Variants in CACNA2D4 observed in about 807,000 individuals in gnomAD.
CACNA2D4 encodes the protein voltage-dependent calcium channel subunit alpha-2/delta-4.
CACNA2D4 carries 157 observed loss-of-function variants against 163.8 expected under a neutral mutation model. The observed-to-expected ratio is 0.96, with a 90% CI of 0.84 to 1.09. The LOEUF (loss-of-function observed/expected upper bound fraction) is 1.09, where lower values mean the gene tolerates loss of function less well. Among genes scored for constraint, CACNA2D4 ranks in the 50% least tolerant of loss-of-function variants. The pLI is 0.00. For synonymous variants in CACNA2D4, 598 were observed against 586.9 expected, an observed-to-expected ratio of 1.02 and a Z score of -0.27; for missense variants, 1,410 against 1,479.9, an observed-to-expected ratio of 0.95 and a Z score of 0.78.
chr12:1,836,949 C>T (rs926621051), intron 26 of CACNA2D4, among the ~76,000 whole-genome samples: 10 of 152,210 alleles, frequency 6.6e-5, no homozygotes, highest in African/African-American at 2.4e-4. Flanking sequence ...AGTCCTGGAT[C>T]AGAGCCAGGC....
Position 1,884,915 on chromosome 12 carries a change from GC to G in CACNA2D4, c.1159-35del, listed in dbSNP as rs1169597929. The G allele has an allele frequency of 2.5e-6, 4 of 1,603,596 alleles. No individual in the cohort carries two copies. The African/African-American group carries it at 5.4e-5, about 22-fold the overall frequency. On this transcript the variant is annotated intron_variant, in intron 10 of 37. Coordinates refer to ENST00000382722, the MANE Select transcript of CACNA2D4 (RefSeq NM_172364.5). ...GGAAGAGGAGTGCCCATGACCACAGGCCAAGCCCACCCCCCTCCACCTGCCG... is the reference window on the plus strand; with the variant it reads ...GGAAGAGGAGTGCCCATGACCACAGGCAAGCCCACCCCCCTCCACCTGCCG...
rs1463407628 is a variant in CACNA2D4 at position 1,918,517 on chromosome 12, CT to C, written c.-45del. The C allele has an allele frequency of 2.0e-6, 3 of 1,492,264 alleles. No individual in the cohort carries two copies. The highest frequency in any genetic ancestry group is 2.7e-6 in the Non-Finnish European group (3 of 1,101,042). The allele number at this position is 1,492,264 out of a possible 1,614,324, so 92.4% of individuals were successfully genotyped here. A position where few individuals can be genotyped will look rare whatever the true frequency, so the allele number is the denominator to read the frequency against. On this transcript the variant is annotated 5_prime_UTR_variant, in exon 1 of 38. Transcript: ENST00000382722. ...TCCCAGACCCCAGGACGCCCCAGGC[CT>C]TTGTCTTCCGTGCCTTGGCGAGCCT...
intron 36 of CACNA2D4, 78 bp from the exon 37 acceptor site, chr12:1,795,459 T>C (rs530958355): frequency 4.4e-6 from 6 of 1,360,486 alleles, no homozygotes; most frequent in Non-Finnish European, 6.1e-6. Context: ...TGGAAGAACC[T>C]GCTCTGGTGC....
At chr12:1,832,672 G>C (rs890279090) in intron 26 of CACNA2D4, among the ~76,000 whole-genome samples, 3 of 152,196 alleles carry the variant, frequency 2.0e-5, no homozygotes, top group Non-Finnish European at 4.4e-5. Context: ...CAAAATGTTA[G>C]TCACTATGAT....
At chr12:1,915,263 C>T (rs1322943966) in intron 1 of CACNA2D4, 1 of 702,618 alleles carries the variant, frequency 1.4e-6, no homozygotes, top group East Asian at 2.7e-5. Flanking sequence ...CCTCAGGACC[C>T]AGCGGCTGCA....
At chr12:1,865,431 G>C (rs1277877059) in intron 18 of CACNA2D4, among the ~76,000 whole-genome samples, 2 of 152,242 alleles carry the variant, frequency 1.3e-5, no homozygotes, top group Non-Finnish European at 2.9e-5. Flanking sequence ...GTCAGTGTCT[G>C]TCTTCCTCCA....
intron 22 of CACNA2D4, among the ~76,000 whole-genome samples, chr12:1,854,943 C>T (rs1865366356): frequency 6.6e-6 from 1 of 152,070 alleles, no homozygotes; most frequent in African/African-American, 2.4e-5. Context: ...TGTTGTACAA[C>T]CACCACCTCT....
In CACNA2D4 at chr12:1,883,057, G is replaced by A. The variant is rs1036492455; in HGVS notation, c.1352-57C>T. On this transcript the variant is annotated intron_variant, in intron 12 of 37. Transcript: ENST00000382722. The surrounding 1 kb of genome is among the most constrained non-coding windows in gnomAD (Gnocchi z 4.5). The stretch of plus-strand genomic sequence containing the variant: ...GGCAGGGCTTCCCTGGGAACCCCTC[G>A]CCAGGGCCTGCACCCTCCCCAGCTG... 33 of 1,553,528 alleles carry A rather than the reference G, an allele frequency of 2.1e-5. No individual in the cohort carries two copies. In the South Asian group the frequency reaches 2.3e-4, roughly 11 times the overall value.
intron 1 of CACNA2D4, among the ~76,000 whole-genome samples, chr12:1,915,664 C>T (rs770481734): frequency 4.6e-5 from 7 of 152,238 alleles, no homozygotes; most frequent in Non-Finnish European, 1.0e-4. Context: ...GGAGGCCACA[C>T]CTCACCCTCT....
Position 1,885,979 on chromosome 12 carries a change from G to A in CACNA2D4, c.1054C>T (p.Arg352Ter), listed in dbSNP as rs747489303. ...CFKGILVQAD[R>*]DNREHFKLLV... The stretch of plus-strand genomic sequence containing the variant: ...TGGACACTCACCTCTCGATTGTCTC[G>A]GTCCGCCTGGACGAGGATCCCTTTA... The change falls in exon 9 of 38, where the codon CGA becomes TGA. Residue 352 changes from arginine to a stop codon, truncating the protein, a stop_gained. Transcript: ENST00000382722. LOFTEE classifies it high-confidence loss of function. 6.2e-7 allele frequency: 1 copy of A among 1,612,718 alleles called. No individual in the cohort carries two copies. The highest frequency in any genetic ancestry group is 8.5e-7 in the Non-Finnish European group (1 of 1,179,024).
chr12:1,840,444 G>GT (rs1265392849), intron 26 of CACNA2D4, among the ~76,000 whole-genome samples: 1 of 137,162 alleles, frequency 7.3e-6, no homozygotes, highest in African/African-American at 2.6e-5. Flanking sequence ...TGTGGAAGAG[G>GT]GGGGTGGGTG....
chr12:1,846,615 C>T lies in CACNA2D4; in HGVS notation c.2321G>A (p.Gly774Asp). 6.2e-7 allele frequency: 1 copy of T among 1,600,952 alleles called. No individual in the cohort carries two copies. Among genetic ancestry groups the T allele is most frequent in the Non-Finnish European group, 8.5e-7 (1 of 1,176,446 alleles). The part of the protein sequence containing the change: ...AGLLRSSLFV[G>D]SEKVSDRKFL... ...CCACCTGTCGGAGACCTTCTCGGAG[C>T]CCACGAACAAGCTGCTTCTCAGGAG... The change falls in exon 24 of 38, where the codon GGC (glycine) becomes GAC (aspartate). Residue 774 changes from glycine to aspartate, a missense_variant. Gly to Asp is a moderately conservative substitution (Grantham distance 94, BLOSUM62 -1). Transcript: ENST00000382722.
intron 10 of CACNA2D4, 52 bp from the exon 11 acceptor site, chr12:1,884,933 C>T: frequency 6.2e-7 from 1 of 1,601,744 alleles, no homozygotes; most frequent in Non-Finnish European, 8.6e-7. Context: ...CACCCCCCTC[C>T]ACCTGCCGCC....
At chr12:1,848,620 TTTA>T (rs1198984208) in intron 23 of CACNA2D4, among the ~76,000 whole-genome samples, 1 of 152,192 alleles carries the variant, frequency 6.6e-6, no homozygotes, top group Admixed American at 6.5e-5. Flanking sequence ...GGATAAATAA[TTTA>T]TTCTTTTTGT....
Position 1,811,710 on chromosome 12 carries a change from T to A in CACNA2D4, c.2565A>T (p.Gln855His), listed in dbSNP as rs761676237. 7 of 1,559,700 alleles carry A rather than the reference T, an allele frequency of 4.5e-6. No homozygotes were observed. In the East Asian group the frequency reaches 1.5e-4, roughly 32 times the overall value. The change falls in exon 27 of 38, where the codon CAA becomes CAT. Residue 855 changes from glutamine to histidine, a missense_variant. Transcript: ENST00000382722. ...TGCGCTGGAGGAATTCCAGCTTCATTTGGACGCCCGCGGCTACAGGGCAGA... is the reference window on the plus strand; with the variant it reads ...TGCGCTGGAGGAATTCCAGCTTCATATGGACGCCCGCGGCTACAGGGCAGA... ...RTAIAAAAGV[Q>H]MKLEFLQRKF... is the part of the protein sequence containing the mutation.
At position 1,834,692 on chromosome 12, in the gene CACNA2D4, G is replaced by T. The variant is rs1164210408; in HGVS notation, c.2551+6047C>A. 2 of 1,601,462 alleles carry T rather than the reference G, an allele frequency of 1.2e-6. No individual in the cohort carries two copies. The highest frequency in any genetic ancestry group is 2.2e-5 in the South Asian group (2 of 90,976). On this transcript the variant is annotated intron_variant, in intron 26 of 37. Coordinates refer to ENST00000382722, the MANE Select transcript of CACNA2D4 (RefSeq NM_172364.5). This position sits in a 1 kb window ranked among gnomAD's most constrained non-coding sequence, Gnocchi z 7.6. ...GGGGGACCCCGAGGGCGAGCACGAG[G>T]ACCAGAAGCAGATCTCTTCTGTGGC...
intron 26 of CACNA2D4, among the ~76,000 whole-genome samples, chr12:1,814,697 A>G (rs1447809256): frequency 1.3e-5 from 2 of 152,114 alleles, no homozygotes; most frequent in African/African-American, 4.8e-5. Flanking sequence ...GCTTCCCTCC[A>G]TCTCCACCGT....
At chr12:1,807,640 C>T (rs1269823987) in intron 29 of CACNA2D4, among the ~76,000 whole-genome samples, 1 of 152,146 alleles carries the variant, frequency 6.6e-6, no homozygotes, top group Non-Finnish European at 1.5e-5. Context: ...CCAGCCCTCA[C>T]TCTCAGGCCA....
At chr12:1,898,651 C>T (rs886987263) in intron 6 of CACNA2D4, among the ~76,000 whole-genome samples, 2 of 151,946 alleles carry the variant, frequency 1.3e-5, no homozygotes, top group African/African-American at 4.8e-5. Flanking sequence ...GTGATAGAGG[C>T]TGCATCCTTT....
Sources: gnomAD v4.1 joint callset for allele counts (sites outside exome capture counted in the v4.1 genomes callset) on GRCh38, gnomAD v4.1.1 for gene constraint, Gnocchi (gnomAD v3.1) non-coding constraint, MANE v1.5 for transcripts, NCBI Gene and HGNC (gene_info 2026-07-23, HGNC 2026-07-21) for gene names.